The following ME1 variants were observed in gnomAD, a reference collection of about 807,000 sequenced individuals.
ME1 encodes malic enzyme 1, also known as NADP-dependent malic enzyme.
Under a neutral mutation model 66.4 loss-of-function variants are expected in ME1, and 74 were observed. The observed-to-expected ratio is 1.11, with a 90% confidence interval of 0.92 to 1.35. The LOEUF is 1.35. Ranked by LOEUF, ME1 falls within the 40% of genes most tolerant of loss-of-function variation. The probability of loss-of-function intolerance (pLI) is 0.00; values close to 1 mark genes in which losing one functional copy is unlikely to be tolerated. For missense variants in ME1, 750 were observed against 694.1 expected (o/e 1.08, Z -0.90); for synonymous variants, 251 against 235.6 (o/e 1.07, Z -0.60).
chr6:83,401,893 T>G (rs1384870254), intron 2 of ME1, among the ~76,000 whole-genome samples: 1 of 152,168 alleles, frequency 6.6e-6, no homozygotes, highest in Non-Finnish European at 1.5e-5. Flanking sequence ...CAGCTTCCAT[T>G]ATGGGAAGGA....
chr6:83,211,928 T>C lies in ME1; in HGVS notation c.1715A>G (p.Gln572Arg), dbSNP rs780279442. 1.1e-5 allele frequency: 18 copies of C among 1,581,212 alleles called. No homozygotes were observed. Among genetic ancestry groups the C allele is most frequent in the Non-Finnish European group, 1.5e-5 (18 of 1,162,838 alleles). Residue 572 changes from glutamine (Q) to arginine (R), a missense_variant, in exon 14 of 14, where the codon CAG becomes CGG. Transcript: ENST00000369705. ...EVQKIQTKVD[Q>R] is the part of the protein sequence containing the mutation. ...TTAGAAATGTTTGCTATTATCCTAC[T>C]GGTCAACTTTGGTCTGTATTTTCTG...
At chr6:83,273,349 A>C (rs544023279) in intron 6 of ME1, among the ~76,000 whole-genome samples, 1 of 152,258 alleles carries the variant, frequency 6.6e-6, no homozygotes, top group East Asian at 1.9e-4. Context: ...ATATACAGGA[A>C]TGTTATTTTT....
At chr6:83,295,190 C>G (rs897747978) in intron 6 of ME1, among the ~76,000 whole-genome samples, 4 of 152,150 alleles carry the variant, frequency 2.6e-5, no homozygotes, top group African/African-American at 9.7e-5. Context: ...AAACCAAAGA[C>G]AAGAAGACAG....
Position 83,243,099 on chromosome 6 carries a change from A to C in ME1, c.815-3463T>G, listed in dbSNP as rs542555247. On this transcript the variant is annotated intron_variant, in intron 7 of 13. Coordinates refer to ENST00000369705, the MANE Select transcript of ME1 (RefSeq NM_002395.6). Reference sequence around the variant, plus strand: ...ATAGAGATACCCATCTCTACCCCCCAAAAATTTTTTTTTTAAATTAGCTGG... The same window carrying C: ...ATAGAGATACCCATCTCTACCCCCCCAAAATTTTTTTTTTAAATTAGCTGG... Among the ~76,000 whole-genome samples the C allele has an allele frequency of 3.7e-3, 553 of 151,388 alleles. 4 individuals carry two copies. Among genetic ancestry groups the C allele is most frequent in the African/African-American group, 6.8e-3 (281 of 41,254 alleles).
chr6:83,376,804 C>CCAAAAAAA (rs768668584), intron 3 of ME1, among the ~76,000 whole-genome samples: 4 of 87,126 alleles, frequency 4.6e-5, no homozygotes, highest in Admixed American at 1.5e-4. Flanking sequence ...CCCTGTCTCA[C>CCAAAAAAA]AAAAAAAAAA....
intron 5 of ME1, among the ~76,000 whole-genome samples, chr6:83,320,062 T>G (rs1436469924): frequency 1.3e-5 from 2 of 152,212 alleles, no homozygotes; most frequent in Non-Finnish European, 2.9e-5. Context: ...AGGATGGTGA[T>G]AAGCATATTT....
chr6:83,289,492 G>A (rs756079125), intron 6 of ME1, among the ~76,000 whole-genome samples: 3 of 152,192 alleles, frequency 2.0e-5, no homozygotes, highest in East Asian at 1.9e-4. Flanking sequence ...GCATCCCAGC[G>A]ATGAAGCTGA....
At chr6:83,275,366 A>AATT (rs1169117710) in intron 6 of ME1, among the ~76,000 whole-genome samples, 2 of 151,696 alleles carry the variant, frequency 1.3e-5, no homozygotes, top group Non-Finnish European at 2.9e-5. Context: ...TAATAATAAT[A>AATT]ATAATAATAA....
chr6:83,327,863 G>A (rs868200773), intron 5 of ME1, among the ~76,000 whole-genome samples: 19 of 152,076 alleles, frequency 1.2e-4, no homozygotes, highest in African/African-American at 4.1e-4. Flanking sequence ...TGTCTCCCCC[G>A]GATGCCCAGC....
intron 12 of ME1, among the ~76,000 whole-genome samples, chr6:83,217,994 A>G (rs1465715387): frequency 6.6e-6 from 1 of 152,226 alleles, no homozygotes; most frequent in Non-Finnish European, 1.5e-5. Flanking sequence ...ATTGCTCTAC[A>G]TATTATACAA....
intron 9 of ME1, among the ~76,000 whole-genome samples, chr6:83,235,629 C>A (rs1407591096): frequency 1.3e-5 from 2 of 152,054 alleles, no homozygotes; most frequent in Non-Finnish European, 2.9e-5. Context: ...CACCACCATG[C>A]CCAGCTAATT....
intron 12 of ME1, 151 bp downstream of exon 12, chr6:83,223,609 A>T: frequency 1.6e-6 from 1 of 643,840 alleles, no homozygotes; most frequent in Non-Finnish European, 2.6e-6. Context: ...TGAACATGCT[A>T]CCCACCCCTT....
intron 6 of ME1, among the ~76,000 whole-genome samples, chr6:83,282,912 T>C (rs1404790100): frequency 1.3e-5 from 2 of 152,014 alleles, no homozygotes; most frequent in African/African-American, 2.4e-5. Flanking sequence ...ATATACAACA[T>C]GGATTACTAT....
rs1238452484 is a variant in ME1, at chr6:83,230,182, C to CT, written c.1027-1252dup. Among the ~76,000 whole-genome samples, 244 of 144,400 alleles carry CT rather than the reference C, an allele frequency of 1.7e-3. 1 individual carries two copies. The highest frequency in any genetic ancestry group is 4.9e-3 in the African/African-American group (194 of 39,202). The allele number at this position is 144,400 out of a possible 152,430, so 94.7% of individuals were successfully genotyped here. A position where few individuals can be genotyped will look rare whatever the true frequency, so the allele number is the denominator to read the frequency against. ...TTGTTTTTAATTTTGTTTTGTTTGTCTTTTTTTTTTGAGACAGAGTTTTTG... is the reference window on the plus strand; with the variant it reads ...TTGTTTTTAATTTTGTTTTGTTTGTCTTTTTTTTTTTGAGACAGAGTTTTTG... On this transcript the variant is annotated intron_variant, in intron 9 of 13. Coordinates refer to ENST00000369705, the MANE Select transcript of ME1 (RefSeq NM_002395.6).
At chr6:83,376,385 C>T (rs182541047) in intron 3 of ME1, among the ~76,000 whole-genome samples, 2 of 151,348 alleles carry the variant, frequency 1.3e-5, no homozygotes, top group Admixed American at 6.6e-5. Flanking sequence ...ATTCCAGCTA[C>T]TTAGGAGACT....
At chr6:83,330,628 C>T (rs990323565) in intron 5 of ME1, among the ~76,000 whole-genome samples, 7 of 152,072 alleles carry the variant, frequency 4.6e-5, no homozygotes, top group African/African-American at 7.2e-5. Context: ...AGGTTTCTGT[C>T]TCATTTAAAT....
chr6:83,384,634 A>C (rs2128549000), intron 3 of ME1, among the ~76,000 whole-genome samples: 1 of 151,968 alleles, frequency 6.6e-6, no homozygotes, highest in East Asian at 1.9e-4. Context: ...TTTGCTGTGC[A>C]GAAGCTCTTT....
At chr6:83,352,604 G>C (rs560233931) in intron 3 of ME1, among the ~76,000 whole-genome samples, 1 of 152,230 alleles carries the variant, frequency 6.6e-6, no homozygotes, top group African/African-American at 2.4e-5. Context: ...GATGGCTGAA[G>C]TGACTGACTA....
intron 3 of ME1, among the ~76,000 whole-genome samples, chr6:83,370,108 G>A (rs1769168657): frequency 6.6e-6 from 1 of 152,036 alleles, no homozygotes; most frequent in Admixed American, 6.6e-5. Flanking sequence ...AGTGATTCAG[G>A]CTAAAATTTG....
Sources: allele counts gnomAD v4.1 joint callset (sites outside exome capture counted in the v4.1 genomes callset), GRCh38; gene constraint gnomAD v4.1.1; transcripts MANE v1.5; gene names NCBI Gene and HGNC (gene_info 2026-07-23, HGNC 2026-07-21).